Variants in ARHGAP8 observed in about 807,000 individuals in gnomAD.
ARHGAP8 encodes the protein rho GTPase-activating protein 8.
A neutral mutation model predicts 46.1 loss-of-function variants in ARHGAP8; 62 were observed. That is an observed-to-expected ratio of 1.34 (90% CI 1.10 to 1.66). The LOEUF is 1.66. ARHGAP8 is among the 40% of genes most tolerant of loss of function. ARHGAP8 has a pLI of 0.00. For synonymous variants in ARHGAP8, 375 were observed against 243.1 expected, an observed-to-expected ratio of 1.54 and a Z score of -5.05; for missense variants, 923 against 568.4, an observed-to-expected ratio of 1.62 and a Z score of -6.34.
chr22:44,759,745 C>T (rs1286129565), intron 1 of ARHGAP8, among the ~76,000 whole-genome samples: 2 of 152,168 alleles, frequency 1.3e-5, no homozygotes, highest in Non-Finnish European at 2.9e-5. Context: ...GAGATTGCCT[C>T]GTGCTGATTA....
At chr22:44,764,107 C>T (rs914012375) in intron 1 of ARHGAP8, among the ~76,000 whole-genome samples, 4 of 152,124 alleles carry the variant, frequency 2.6e-5, no homozygotes, top group African/African-American at 7.2e-5. Flanking sequence ...CCACCGCGCC[C>T]GGCCATGATT....
Position 44,862,316 on chromosome 22 carries a change from C to G in ARHGAP8, c.1023C>G (p.Asn341Lys), listed in dbSNP as rs771365544. 8 of 1,613,402 alleles carry G rather than the reference C, an allele frequency of 5.0e-6. No individual in the cohort carries two copies. Among genetic ancestry groups the G allele is most frequent in the Non-Finnish European group, 6.8e-6 (8 of 1,179,578 alleles). ...ESIFNKMNSS[N>K]LACVFGLNLI... ...TCTTCAACAAAATGAACAGCTCTAA[C>G]CTGGCCTGTGTCTTCGGGCTGAATT... The change falls in exon 12 of 12, where the codon AAC (asparagine) becomes AAG (lysine). Residue 341 changes from asparagine (N) to lysine (K), a missense_variant. Coordinates refer to ENST00000356099, the MANE Select transcript of ARHGAP8 (RefSeq NM_181335.3).
At chr22:44,755,631 T>A (rs1045518902) in intron 1 of ARHGAP8, among the ~76,000 whole-genome samples, 1 of 152,212 alleles carries the variant, frequency 6.6e-6, no homozygotes, top group Non-Finnish European at 1.5e-5. Context: ...CTGGAGCTTC[T>A]GGCAGCCTGT....
intron 11 of ARHGAP8, among the ~76,000 whole-genome samples, chr22:44,860,882 A>G (rs5766125): frequency 1 from 151,687 of 152,322 alleles, 75,531 homozygotes; most frequent in African/African-American, 1. Context: ...GGAGAGCCTG[A>G]GCAGAGTAGG....
rs535842585 is a variant in ARHGAP8 at position 44,833,096 on chromosome 22, C to CTTTTCTTTTCTTTTTT, written c.596+7507_596+7508insCTTTTCTTTTTTTTTT. Among the ~76,000 whole-genome samples, 60 of 120,422 alleles carry CTTTTCTTTTCTTTTTT rather than the reference C, an allele frequency of 5.0e-4. 1 individual carries two copies. Among genetic ancestry groups the CTTTTCTTTTCTTTTTT allele is most frequent in the East Asian group, 1.9e-3 (7 of 3,674 alleles). The allele number at this position is 120,422 out of a possible 152,430, so 79.0% of individuals were successfully genotyped here. On this transcript the variant is annotated intron_variant, in intron 7 of 11. Coordinates refer to ENST00000356099, the MANE Select transcript of ARHGAP8 (RefSeq NM_181335.3). Reference sequence around the variant, plus strand: ...CATCTTTTTTCTTTTCTTTTCTTTTCTTTTTTTTTTTTTTTTTTGAGATAG... The same window carrying CTTTTCTTTTCTTTTTT: ...CATCTTTTTTCTTTTCTTTTCTTTTCTTTTCTTTTCTTTTTTTTTTTTTTTTTTTTTTTTGAGATAG...
At position 44,802,024 on chromosome 22, in the gene ARHGAP8, A is replaced by G; in HGVS notation, c.80-53A>G. ...GAGGCTGCTTTTTGCTAAGTGCCTG[A>G]GGATTTTCTAGGAGAAGGTGGCACA... is the stretch of plus-strand genomic sequence containing the variant. On this transcript the variant is annotated intron_variant, in intron 2 of 11. Coordinates refer to ENST00000356099, the MANE Select transcript of ARHGAP8 (RefSeq NM_181335.3). 1.9e-6 allele frequency: 3 copies of G among 1,605,814 alleles called. No homozygotes were observed. In the South Asian group the frequency reaches 3.3e-5, roughly 18 times the overall value.
chr22:44,797,373 G>T (rs1259517311), intron 2 of ARHGAP8, among the ~76,000 whole-genome samples: 1 of 152,120 alleles, frequency 6.6e-6, no homozygotes, highest in Non-Finnish European at 1.5e-5. Context: ...GGAGGGCTCA[G>T]GCTCCGGGTC....
Position 44,800,760 on chromosome 22 carries a change from G to A in ARHGAP8, c.80-1317G>A, listed in dbSNP as rs1178206629. Reference sequence around the variant, plus strand: ...CCGCAGCTGTCCGTGTGTGGGGGCCGCCTCTCCCCGCAGCTGTCCGTGTGT... The same window carrying A: ...CCGCAGCTGTCCGTGTGTGGGGGCCACCTCTCCCCGCAGCTGTCCGTGTGT... On this transcript the variant is annotated intron_variant, in intron 2 of 11. Coordinates refer to ENST00000356099, the MANE Select transcript of ARHGAP8 (RefSeq NM_181335.3). 8.3e-3 allele frequency among the ~76,000 whole-genome samples: 53 copies of A among 6,398 alleles called. 13 individuals carry two copies. Among genetic ancestry groups the A allele is most frequent in the African/African-American group, 0.061 (36 of 590 alleles). The allele number at this position is 6,398 out of a possible 152,430, so 4.2% of individuals were successfully genotyped here.
At chr22:44,857,818 C>T (rs146310648) in intron 10 of ARHGAP8, among the ~76,000 whole-genome samples, 1 of 152,098 alleles carries the variant, frequency 6.6e-6, no homozygotes, top group African/African-American at 2.4e-5. Flanking sequence ...CCTCCTCTCT[C>T]TACACTGGGG....
intron 3 of ARHGAP8, among the ~76,000 whole-genome samples, chr22:44,805,100 AAG>A (rs1236214309): frequency 6.6e-6 from 1 of 152,186 alleles, no homozygotes; most frequent in African/African-American, 2.4e-5. Flanking sequence ...TAGATCCAGG[AAG>A]AGCTCGTCTC....
chr22:44,802,318 C>T (rs778590600), intron 3 of ARHGAP8, among the ~76,000 whole-genome samples, 154 bp downstream of exon 3: 11 of 152,180 alleles, frequency 7.2e-5, no homozygotes, highest in Non-Finnish European at 1.0e-4. Flanking sequence ...TGAGCCTACC[C>T]GAGGGCCAAC....
intron 1 of ARHGAP8, among the ~76,000 whole-genome samples, chr22:44,785,439 G>C (rs1250673875): frequency 6.6e-6 from 1 of 152,190 alleles, no homozygotes; most frequent in Admixed American, 6.5e-5. Flanking sequence ...GTGGTTCCTG[G>C]TGTCCCTTGG....
At chr22:44,759,267 GCA>G (rs1924935848) in intron 1 of ARHGAP8, among the ~76,000 whole-genome samples, 1 of 152,156 alleles carries the variant, frequency 6.6e-6, no homozygotes, top group Admixed American at 6.5e-5. Context: ...TGCTGTCAGG[GCA>G]CACACAGTGA....
At chr22:44,861,883 T>A (rs1194744412) in intron 11 of ARHGAP8, among the ~76,000 whole-genome samples, 1 of 152,114 alleles carries the variant, frequency 6.6e-6, no homozygotes, top group Non-Finnish European at 1.5e-5. Flanking sequence ...CTAGATGTGC[T>A]GGCTGGTCCC....
At chr22:44,778,712 T>C (rs544507239) in intron 1 of ARHGAP8, among the ~76,000 whole-genome samples, 1 of 152,312 alleles carries the variant, frequency 6.6e-6, no homozygotes, top group East Asian at 1.9e-4. Context: ...TTTTTGATTA[T>C]GGCCATTCTT....
intron 7 of ARHGAP8, among the ~76,000 whole-genome samples, chr22:44,840,715 T>C (rs1337655214): frequency 6.6e-6 from 1 of 152,212 alleles, no homozygotes; most frequent in Non-Finnish European, 1.5e-5. Flanking sequence ...TGCCGTTGGC[T>C]CACAGCTCAA....
intron 4 of ARHGAP8, 67 bp from the exon 5 acceptor site, chr22:44,814,605 G>T: frequency 1.4e-6 from 2 of 1,418,118 alleles, no homozygotes; most frequent in Non-Finnish European, 2.0e-6. Context: ...GCTGTTTCAG[G>T]GTTATTGGGC....
intron 5 of ARHGAP8, among the ~76,000 whole-genome samples, chr22:44,815,377 C>T (rs1929663932): frequency 1.3e-5 from 2 of 151,480 alleles, no homozygotes; most frequent in Admixed American, 6.6e-5. Context: ...CCAGCCCCTC[C>T]TGAGATGAGA....
chr22:44,780,045 T>C (rs1004462788), intron 1 of ARHGAP8, among the ~76,000 whole-genome samples: 2 of 152,146 alleles, frequency 1.3e-5, no homozygotes, highest in Non-Finnish European at 2.9e-5. Context: ...ATCTGCCAGG[T>C]GAGCGTGTCC....
Sources: gnomAD v4.1 joint callset for allele counts (sites outside exome capture counted in the v4.1 genomes callset) on GRCh38, gnomAD v4.1.1 for gene constraint, MANE v1.5 for transcripts, NCBI Gene and HGNC (gene_info 2026-07-23, HGNC 2026-07-21) for gene names.